The following SECISBP2L variants were observed in gnomAD, a reference collection of about 807,000 sequenced individuals.
SECISBP2L encodes selenocysteine insertion sequence-binding protein 2-like.
Under a neutral mutation model 114.7 loss-of-function variants are expected in SECISBP2L, and 43 were observed. The ratio of observed to expected loss-of-function variants is 0.38; its 90% CI spans 0.29 to 0.48. The LOEUF is 0.48. Ranked by LOEUF, SECISBP2L falls within the 20% of genes least tolerant of loss-of-function variation. SECISBP2L has a pLI of 0.98. For synonymous variants in SECISBP2L, 451 were observed against 439.7 expected (o/e 1.03, Z -0.32); for missense variants, 1,136 against 1,301.1 (o/e 0.87, Z 1.95).
At chr15:49,021,584 G>A (rs1902640464) in intron 7 of SECISBP2L, among the ~76,000 whole-genome samples, 1 of 152,130 alleles carries the variant, frequency 6.6e-6, no homozygotes. Context: ...CACAGGCCTT[G>A]GATTCTGAAG....
intron 1 of SECISBP2L, among the ~76,000 whole-genome samples, chr15:49,043,904 T>C (rs1903190600): frequency 1.3e-5 from 2 of 151,656 alleles, no homozygotes; most frequent in South Asian, 2.1e-4. Flanking sequence ...AGATTTTATA[T>C]ATTAAAAAAA....
At chr15:49,028,703 T>A (rs776508296) in intron 4 of SECISBP2L, 21 bp from the exon 5 acceptor site, 20 of 1,584,342 alleles carry the variant, frequency 1.3e-5, no homozygotes, top group Non-Finnish European at 1.7e-6. Context: ...AAGGAAAGTT[T>A]GACAATTCTT....
At chr15:49,020,305 G>C (rs28876496) in intron 7 of SECISBP2L, among the ~76,000 whole-genome samples, 26,687 of 151,600 alleles carry the variant, frequency 0.18, 4,001 homozygotes, top group African/African-American at 0.41. Flanking sequence ...ACCTAGGCTC[G>C]AGTGATTCTC....
rs1901973061 is a variant in SECISBP2L, at chr15:48,991,272, A to C, written c.*972T>G. The C allele has an allele frequency of 6.6e-6, 1 of 152,266 alleles. No individual in the cohort carries two copies. The allele number at this position is 152,266 out of a possible 1,614,324, so 9.4% of individuals were successfully genotyped here. On this transcript the variant is annotated 3_prime_UTR_variant, in exon 18 of 18. Transcript: ENST00000559471. ...AGGTGCTCAAGGCTAGGTGCAAAAT[A>C]GGTATTTTTTAAAAGGTGAAACAGT... is the stretch of plus-strand genomic sequence containing the variant.
At position 49,012,665 on chromosome 15, in the gene SECISBP2L, G is replaced by A. The variant is rs752322095; in HGVS notation, c.1714C>T (p.Pro572Ser). ...TGGTTTACCTTTTTAAGTGCTGTGGGTCGTTTTAGTTTTGCAATTTCCTTC... is the reference window on the plus strand; with the variant it reads ...TGGTTTACCTTTTTAAGTGCTGTGGATCGTTTTAGTTTTGCAATTTCCTTC... ...KEKEIAKLKR[P>S]TALKKVILKE... The change falls in exon 12 of 18, where the codon CCC (proline) becomes TCC (serine). Residue 572 changes from proline to serine, a missense_variant. Physicochemically the swap from Pro to Ser is moderately conservative, Grantham distance 74 (BLOSUM62 -1). Coordinates refer to ENST00000559471, the MANE Select transcript of SECISBP2L (RefSeq NM_001193489.2). 1 of 1,613,010 alleles carries A rather than the reference G, an allele frequency of 6.2e-7. No individual in the cohort carries two copies.
At chr15:49,017,684 T>C in intron 8 of SECISBP2L, 56 bp from the exon 9 acceptor site, 1 of 1,184,304 alleles carries the variant, frequency 8.4e-7, no homozygotes, top group Non-Finnish European at 1.2e-6. Context: ...CTAAACTTTT[T>C]ATAATGCTTA....
rs760698796 is a variant in SECISBP2L at position 49,033,079 on chromosome 15, T to C, written c.550A>G (p.Ile184Val). ...VPKQQLLQQH[I>V]KSKRPLVKNV... ...TTCACCAGCGGCCTTTTGCTTTTTA[T>C]GTGCTGTTGTAAAAGCTGTTGCTGA... The change falls in exon 4 of 18, where the codon ATA (isoleucine) becomes GTA (valine). Residue 184 changes from isoleucine (I) to valine (V), a missense_variant. Transcript: ENST00000559471. The C allele has an allele frequency of 1.2e-6, 2 of 1,613,860 alleles. No homozygotes were observed. Among genetic ancestry groups the C allele is most frequent in the Admixed American group, 1.7e-5 (1 of 59,972 alleles).
At position 49,019,566 on chromosome 15, in the gene SECISBP2L, AG is replaced by A; in HGVS notation, c.1036-15del. On this transcript the variant is annotated splice_polypyrimidine_tract_variant and intron_variant, in intron 7 of 17. Transcript: ENST00000559471. ...TCTGAATCCAACCTAAGTAAACCCC[AG>A]AGGGGAAAAAAAATCTAATTATTTT... is the stretch of plus-strand genomic sequence containing the variant. The A allele has an allele frequency of 6.9e-7, 1 of 1,442,104 alleles. No individual in the cohort carries two copies. The highest frequency in any genetic ancestry group is 9.0e-7 in the Non-Finnish European group (1 of 1,110,010). The allele number at this position is 1,442,104 out of a possible 1,614,324, so 89.3% of individuals were successfully genotyped here. A position where few individuals can be genotyped will look rare whatever the true frequency, so the allele number is the denominator to read the frequency against.
intron 1 of SECISBP2L, among the ~76,000 whole-genome samples, chr15:49,043,022 G>A (rs1006704957): frequency 4.6e-5 from 7 of 152,084 alleles, no homozygotes; most frequent in Non-Finnish European, 8.8e-5. Flanking sequence ...GTGAGACTCC[G>A]TCTCAAAAAG....
In SECISBP2L at chr15:49,016,940, G is replaced by A. The variant is rs748323812; in HGVS notation, c.1327C>T (p.Arg443Cys). The A allele has an allele frequency of 5.0e-6, 8 of 1,613,840 alleles. No individual in the cohort carries two copies. The highest frequency in any genetic ancestry group is 2.7e-5 in the African/African-American group (2 of 74,894). ...PIPITTSVPKRAKSQKKKALA... is the reference protein window; with the variant it reads ...PIPITTSVPKCAKSQKKKALA... ...GCTTTCTTCTTCTGACTTTTTGCAC[G>A]TTTGGGAACTGAGGTGGTAATAGGA... Residue 443 changes from arginine to cysteine, a missense_variant, in exon 10 of 18, where the codon CGT (arginine) becomes TGT (cysteine). Around this residue, in one of 2 missense-constraint regions of SECISBP2L, gnomAD observed 684 missense variants for 848.7 expected, o/e 0.81. Transcript: ENST00000559471.
Position 48,992,881 on chromosome 15 carries a change from G to A in SECISBP2L, c.2669C>T (p.Ala890Val). The part of the protein sequence containing the change: ...NMVETSDGLE[A>V]SENEKEVSCK... ...GGATACCTCTTTCTCATTTTCTGAT[G>A]CTTCCAGTCCATCTGAAGTTTCCAC... The change falls in exon 18 of 18, where the codon GCA (alanine) becomes GTA (valine). Residue 890 changes from alanine (A) to valine (V), a missense_variant. Coordinates refer to ENST00000559471, the MANE Select transcript of SECISBP2L (RefSeq NM_001193489.2). 1 of 1,614,080 alleles carries A rather than the reference G, an allele frequency of 6.2e-7. No individual in the cohort carries two copies. The highest frequency in any genetic ancestry group is 1.1e-5 in the South Asian group (1 of 91,074).
At chr15:49,030,710 A>G (rs970785200) in intron 4 of SECISBP2L, among the ~76,000 whole-genome samples, 3 of 152,206 alleles carry the variant, frequency 2.0e-5, no homozygotes, top group Admixed American at 6.5e-5. Flanking sequence ...TCTTTAATCA[A>G]TCTGAAATAG....
chr15:49,002,882 G>A (rs1228475998), intron 14 of SECISBP2L, among the ~76,000 whole-genome samples: 1 of 152,136 alleles, frequency 6.6e-6, no homozygotes, highest in Non-Finnish European at 1.5e-5. Flanking sequence ...GTCAGGTAGT[G>A]TAATGCCTCC....
intron 7 of SECISBP2L, chr15:49,019,772 G>A (rs529019958): frequency 5.6e-5 from 20 of 357,548 alleles, no homozygotes; most frequent in African/African-American, 3.6e-4. Flanking sequence ...TTTTCCCCTC[G>A]ACATGAATAT....
At chr15:49,012,217 T>G (rs1902450691) in intron 12 of SECISBP2L, among the ~76,000 whole-genome samples, 1 of 152,210 alleles carries the variant, frequency 6.6e-6, no homozygotes, top group Admixed American at 6.5e-5. Flanking sequence ...TTCAATTATT[T>G]GGACACGAAT....
chr15:48,994,129 T>C (rs188029620), intron 17 of SECISBP2L, among the ~76,000 whole-genome samples: 293 of 151,780 alleles, frequency 1.9e-3, no homozygotes, highest in African/African-American at 7.0e-3. Flanking sequence ...AAAAATCACC[T>C]CCTCCTATAT....
At chr15:49,043,524 C>T (rs1903183029) in intron 1 of SECISBP2L, among the ~76,000 whole-genome samples, 1 of 151,482 alleles carries the variant, frequency 6.6e-6, no homozygotes, top group Admixed American at 6.6e-5. Context: ...TAAAAAATCT[C>T]AATAAATTTC....
chr15:48,994,607 C>T (rs2141058312), intron 17 of SECISBP2L, among the ~76,000 whole-genome samples: 1 of 152,242 alleles, frequency 6.6e-6, no homozygotes, highest in South Asian at 2.1e-4. Context: ...ATGTGTTTTC[C>T]TCCTTTCCCC....
Position 49,027,444 on chromosome 15 carries a change from G to T in SECISBP2L, c.956C>A (p.Thr319Asn), listed in dbSNP as rs769662803. ...TTTTTCCATCCAAGGTTTTTTCTGA[G>T]TTGCCTGGCAAGTTACATTGGACCA... is the stretch of plus-strand genomic sequence containing the variant. Reference protein sequence around the residue: ...VNWSNVTCQATQKKPWMEKNQ... With the variant: ...VNWSNVTCQANQKKPWMEKNQ... Residue 319 changes from threonine (T) to asparagine (N), a missense_variant, in exon 7 of 18, where the codon ACT becomes AAT. By Grantham distance (65) the Thr-to-Asn change is moderately conservative (BLOSUM62 0). Around this residue, in one of 2 missense-constraint regions of SECISBP2L, gnomAD observed 452 missense variants for 452.3 expected, o/e 1.00. Transcript: ENST00000559471. 5.0e-6 allele frequency: 8 copies of T among 1,608,436 alleles called. No homozygotes were observed. Among genetic ancestry groups the T allele is most frequent in the Non-Finnish European group, 6.8e-6 (8 of 1,176,446 alleles).
Sources: allele counts gnomAD v4.1 joint callset (sites outside exome capture counted in the v4.1 genomes callset), GRCh38; gene constraint gnomAD v4.1.1; regional missense constraint gnomAD v4.1.1; transcripts MANE v1.5; gene names NCBI Gene and HGNC (gene_info 2026-07-23, HGNC 2026-07-21).